TOR4A: variants seen among roughly 807,000 people sequenced by gnomAD.
TOR4A encodes the protein torsin-4A.
Under a neutral mutation model 11.5 loss-of-function variants are expected in TOR4A, and 12 were observed. The ratio of observed to expected loss-of-function variants is 1.04; its 90% CI spans 0.67 to 1.69. The LOEUF is 1.69. Ranked by LOEUF, TOR4A falls within the 40% of genes most tolerant of loss-of-function variation. The pLI is 0.00. For synonymous variants in TOR4A, 362 were observed against 307.4 expected, an observed-to-expected ratio of 1.18 and a Z score of -1.86; for missense variants, 640 against 643.2, an observed-to-expected ratio of 0.99 and a Z score of 0.05.
In TOR4A at chr9:137,279,472, A is replaced by G. The variant is rs1238429445; in HGVS notation, c.783A>G (p.Pro261=). The G allele has an allele frequency of 1.9e-6, 3 of 1,554,892 alleles. No homozygotes were observed. The highest frequency in any genetic ancestry group is 2.6e-6 in the Non-Finnish European group (3 of 1,151,256). Residue 261 remains proline (P), a synonymous_variant, in exon 2 of 2, where the codon CCA becomes CCG. Coordinates refer to ENST00000357503, the MANE Select transcript of TOR4A (RefSeq NM_017723.3). ...VARAEAEEKT[P]LLVLDDVELM... ...GGGCCGAAGCGGAGGAGAAGACCCC[A>G]CTCTTGGTGCTGGACGACGTGGAGC...
In TOR4A at chr9:137,279,782, C is replaced by T; in HGVS notation, c.1093C>T (p.Leu365=). 3 of 1,592,608 alleles carry T rather than the reference C, an allele frequency of 1.9e-6. No individual in the cohort carries two copies. The highest frequency in any genetic ancestry group is 1.7e-6 in the Non-Finnish European group (2 of 1,175,858). The change falls in exon 2 of 2, where the codon CTG becomes TTG. Residue 365 remains leucine (L), a synonymous_variant. Transcript: ENST00000357503. The part of the protein sequence containing the change: ...WQAAAIVPFL[L]LDKRDVVSCF... ...GGCCGCGGCCATCGTGCCGTTTCTG[C>T]TGCTGGACAAGCGGGATGTGGTCAG...
chr9:137,279,896 G>A lies in TOR4A; in HGVS notation c.1207G>A (p.Val403Met), dbSNP rs775733690. Residue 403 changes from valine to methionine, a missense_variant, in exon 2 of 2, where the codon GTG becomes ATG. Physicochemically the swap from Val to Met is conservative, Grantham distance 21. Transcript: ENST00000357503. Reference sequence around the variant, plus strand: ...GGCCGCGCAGCTCAGCTTCTACCGCGTGGCTGGCCGCGAGTTTGCCGTCAC... The same window carrying A: ...GGCCGCGCAGCTCAGCTTCTACCGCATGGCTGGCCGCGAGTTTGCCGTCAC... ...NLAAQLSFYR[V>M]AGREFAVTGC... 2 of 1,578,910 alleles carry A rather than the reference G, an allele frequency of 1.3e-6. No individual in the cohort carries two copies. The highest frequency in any genetic ancestry group is 2.3e-5 in the East Asian group (1 of 43,102).
chr9:137,277,872 G>A lies in TOR4A; in HGVS notation c.-73G>A, dbSNP rs78564072. 5,973 of 152,428 alleles carry A rather than the reference G, an allele frequency of 0.039. 239 individuals carry two copies. The highest frequency in any genetic ancestry group is 0.053 in the Non-Finnish European group (3,596 of 68,100). The allele number at this position is 152,428 out of a possible 1,614,324, so 9.4% of individuals were successfully genotyped here. A position where few individuals can be genotyped will look rare whatever the true frequency, so the allele number is the denominator to read the frequency against. On this transcript the variant is annotated 5_prime_UTR_variant, in exon 1 of 2. Transcript: ENST00000357503. Reference sequence around the variant, plus strand: ...AGGCCCCAGCGTCTGGCACAGGCAGGGGCCTGCGGAGCTGAGGGCAGTGGA... The same window carrying A: ...AGGCCCCAGCGTCTGGCACAGGCAGAGGCCTGCGGAGCTGAGGGCAGTGGA...
chr9:137,280,734 C>T lies in TOR4A; in HGVS notation c.*773C>T, dbSNP rs1255659213. On this transcript the variant is annotated 3_prime_UTR_variant, in exon 2 of 2. Coordinates refer to ENST00000357503, the MANE Select transcript of TOR4A (RefSeq NM_017723.3). ...CCACGATTGCGCGACCTCCCTTTCC[C>T]TGGGGCCTTTTGTGCCCCGAGTTCC... 1 of 167,202 alleles carries T rather than the reference C, an allele frequency of 6.0e-6. No homozygotes were observed. The highest frequency in any genetic ancestry group is 1.5e-5 in the Non-Finnish European group (1 of 68,258). The allele number at this position is 167,202 out of a possible 1,614,324, so 10.4% of individuals were successfully genotyped here. A position where few individuals can be genotyped will look rare whatever the true frequency, so the allele number is the denominator to read the frequency against.
Position 137,279,742 on chromosome 9 carries a change from G to C in TOR4A, c.1053G>C (p.Glu351Asp). Reference protein sequence around the residue: ...RASLLAVLSREHPLWQAAAIV... With the variant: ...RASLLAVLSRDHPLWQAAAIV... ...GCCTGCTGGCTGTGCTGTCCCGGGA[G>C]CATCCGCTGTGGCAGGCCGCGGCCA... The change falls in exon 2 of 2, where the codon GAG becomes GAC. Residue 351 changes from glutamate to aspartate, a missense_variant. Glu to Asp is a conservative substitution (Grantham distance 45, BLOSUM62 2). Transcript: ENST00000357503. 1 of 1,582,562 alleles carries C rather than the reference G, an allele frequency of 6.3e-7. No homozygotes were observed. The highest frequency in any genetic ancestry group is 8.5e-7 in the Non-Finnish European group (1 of 1,172,040).
At position 137,279,025 on chromosome 9, in the gene TOR4A, C is replaced by T. The variant is rs1258713062; in HGVS notation, c.336C>T (p.Arg112=). The change falls in exon 2 of 2, where the codon CGC becomes CGT. Residue 112 remains arginine (R), a synonymous_variant. Transcript: ENST00000357503. The part of the protein sequence containing the change: ...YPETSRKYRP[R]VEHRSRAQRC... ...AGACCTCGCGCAAGTATCGGCCGCG[C>T]GTGGAGCACAGGAGCCGCGCGCAGC... The T allele has an allele frequency of 1.2e-6, 2 of 1,604,984 alleles. No individual in the cohort carries two copies. The highest frequency in any genetic ancestry group is 2.3e-5 in the East Asian group (1 of 44,386).
At position 137,280,135 on chromosome 9, in the gene TOR4A, G is replaced by A; in HGVS notation, c.*174G>A. ...GTCCACACCCGCCTCAGAGTCCGGAGTCTGTCCCTGGGGGCGGCAGGACAG... is the reference window on the plus strand; with the variant it reads ...GTCCACACCCGCCTCAGAGTCCGGAATCTGTCCCTGGGGGCGGCAGGACAG... On this transcript the variant is annotated 3_prime_UTR_variant, in exon 2 of 2. Coordinates refer to ENST00000357503, the MANE Select transcript of TOR4A (RefSeq NM_017723.3). The A allele has an allele frequency of 1.3e-6, 1 of 754,116 alleles. No individual in the cohort carries two copies. Among genetic ancestry groups the A allele is most frequent in the Non-Finnish European group, 2.1e-6 (1 of 467,182 alleles). 46.7% of individuals were successfully genotyped at this position (754,116 alleles called of 1,614,324 possible).
rs1408091922 is a variant in TOR4A at position 137,279,657 on chromosome 9, C to G, written c.968C>G (p.Pro323Arg). Residue 323 changes from proline (P) to arginine (R), a missense_variant, in exon 2 of 2, where the codon CCC (proline) becomes CGC (arginine). By Grantham distance (103) the Pro-to-Arg change is moderately radical. Coordinates refer to ENST00000357503, the MANE Select transcript of TOR4A (RefSeq NM_017723.3). ...GCGTCCCGCGCGCTGCCCCTGCGCC[C>G]CGACGGCTTCCGCAGTGCCGAGGCC... ...QNASRALPLRPDGFRSAEAAA... is the reference protein window; with the variant it reads ...QNASRALPLRRDGFRSAEAAA... The G allele has an allele frequency of 6.4e-7, 1 of 1,563,418 alleles. No individual in the cohort carries two copies. The highest frequency in any genetic ancestry group is 1.8e-5 in the Admixed American group (1 of 55,316).
chr9:137,278,637 C>G lies in TOR4A; in HGVS notation c.-37-16C>G. The stretch of plus-strand genomic sequence containing the variant: ...GTGGCGGGAGTCCAGAGACCCTCCC[C>G]GTCTTCCCGTTGCAGGGAGGGCGAC... On this transcript the variant is annotated splice_polypyrimidine_tract_variant and intron_variant, in intron 1 of 1. Transcript: ENST00000357503. 1 of 1,269,262 alleles carries G rather than the reference C, an allele frequency of 7.9e-7. No individual in the cohort carries two copies. Among genetic ancestry groups the G allele is most frequent in the Non-Finnish European group, 1.0e-6 (1 of 1,004,558 alleles). 78.6% of individuals were successfully genotyped at this position (1,269,262 alleles called of 1,614,324 possible).
chr9:137,279,528 A>C lies in TOR4A; in HGVS notation c.839A>C (p.His280Pro), dbSNP rs770559835. 1 of 1,587,332 alleles carries C rather than the reference A, an allele frequency of 6.3e-7. No individual in the cohort carries two copies. Among genetic ancestry groups the C allele is most frequent in the South Asian group, 1.1e-5 (1 of 88,658 alleles). ...LMPRPLLDELHGFLQPQRSHH... is the reference protein window; with the variant it reads ...LMPRPLLDELPGFLQPQRSHH... ...CCGCGGCCGCTGCTGGACGAGCTGCACGGCTTCCTGCAGCCGCAGCGCTCC... is the reference window on the plus strand; with the variant it reads ...CCGCGGCCGCTGCTGGACGAGCTGCCCGGCTTCCTGCAGCCGCAGCGCTCC... Residue 280 changes from histidine (H) to proline (P), a missense_variant, in exon 2 of 2, where the codon CAC becomes CCC. Coordinates refer to ENST00000357503, the MANE Select transcript of TOR4A (RefSeq NM_017723.3).
Position 137,280,233 on chromosome 9 carries a change from T to C in TOR4A, c.*272T>C. Reference sequence around the variant, plus strand: ...GGCATGGTCTGGTGCGTTCTCCCTGTGGCCCCAAGAGGTGGGTTCCCATGG... The same window carrying C: ...GGCATGGTCTGGTGCGTTCTCCCTGCGGCCCCAAGAGGTGGGTTCCCATGG... On this transcript the variant is annotated 3_prime_UTR_variant, in exon 2 of 2. Coordinates refer to ENST00000357503, the MANE Select transcript of TOR4A (RefSeq NM_017723.3). The C allele has an allele frequency of 1.8e-6, 1 of 551,230 alleles. No homozygotes were observed. Among genetic ancestry groups the C allele is most frequent in the Non-Finnish European group, 3.3e-6 (1 of 300,740 alleles). 34.1% of individuals were successfully genotyped at this position (551,230 alleles called of 1,614,324 possible). A position where few individuals can be genotyped will look rare whatever the true frequency, so the allele number is the denominator to read the frequency against.
intron 1 of TOR4A, among the ~76,000 whole-genome samples, chr9:137,278,247 G>C (rs1041301159): frequency 6.6e-6 from 1 of 152,126 alleles, no homozygotes. Context: ...CTTGGGAGAC[G>C]GCCCAGTCCA....
Position 137,278,877 on chromosome 9 carries a change from G to C in TOR4A, c.188G>C (p.Ser63Thr). The C allele has an allele frequency of 6.5e-7, 1 of 1,539,416 alleles. No individual in the cohort carries two copies. The highest frequency in any genetic ancestry group is 8.7e-7 in the Non-Finnish European group (1 of 1,148,906). ...VGTGAPRPGC[S>T]PRAPRADLDQ... ...ACCGGGGCGCCCAGGCCGGGCTGCAGCCCCCGGGCACCGCGCGCGGACCTG... is the reference window on the plus strand; with the variant it reads ...ACCGGGGCGCCCAGGCCGGGCTGCACCCCCCGGGCACCGCGCGCGGACCTG... Residue 63 changes from serine to threonine, a missense_variant, in exon 2 of 2, where the codon AGC (serine) becomes ACC (threonine). Physicochemically the swap from Ser to Thr is moderately conservative, Grantham distance 58. Transcript: ENST00000357503.
chr9:137,279,373 C>G lies in TOR4A; in HGVS notation c.684C>G (p.His228Gln). 1 of 1,524,024 alleles carries G rather than the reference C, an allele frequency of 6.6e-7. No homozygotes were observed. The highest frequency in any genetic ancestry group is 8.8e-7 in the Non-Finnish European group (1 of 1,138,078). 94.4% of individuals were successfully genotyped at this position (1,524,024 alleles called of 1,614,324 possible). The part of the protein sequence containing the change: ...SALVLQYHAR[H>Q]HCPEARAAQD... Reference sequence around the variant, plus strand: ...TCGTGCTGCAATACCATGCGCGGCACCACTGCCCCGAGGCGCGCGCCGCAC... The same window carrying G: ...TCGTGCTGCAATACCATGCGCGGCAGCACTGCCCCGAGGCGCGCGCCGCAC... Residue 228 changes from histidine to glutamine, a missense_variant, in exon 2 of 2, where the codon CAC becomes CAG. His to Gln is a conservative substitution (Grantham distance 24). Transcript: ENST00000357503.
chr9:137,279,570 C>A lies in TOR4A; in HGVS notation c.881C>A (p.Ala294Asp). The A allele has an allele frequency of 6.3e-7, 1 of 1,581,372 alleles. No homozygotes were observed. The highest frequency in any genetic ancestry group is 8.6e-7 in the Non-Finnish European group (1 of 1,167,186). Residue 294 changes from alanine (A) to aspartate (D), a missense_variant, in exon 2 of 2, where the codon GCC becomes GAC. Transcript: ENST00000357503. ...CAGCGCTCCCACCACTTCCACAACG[C>A]CATCTACGTGCTCCTCAGTGGCGCG... Reference protein sequence around the residue: ...QPQRSHHFHNAIYVLLSGAGG... With the variant: ...QPQRSHHFHNDIYVLLSGAGG...
Position 137,279,850 on chromosome 9 carries a change from C to T in TOR4A, c.1161C>T (p.Asp387=). The change falls in exon 2 of 2, where the codon GAC becomes GAT. Residue 387 remains aspartate (D), a synonymous_variant. Transcript: ENST00000357503. ...DEMAGEGFFP[D]QARAENLAAQ... ...TGGCGGGTGAGGGCTTCTTTCCTGA[C>T]CAGGCCCGCGCGGAGAACCTGGCCG... 2.5e-6 allele frequency: 4 copies of T among 1,592,492 alleles called. No individual in the cohort carries two copies. The highest frequency in any genetic ancestry group is 2.7e-5 in the African/African-American group (2 of 74,802).
chr9:137,279,273 C>T lies in TOR4A; in HGVS notation c.584C>T (p.Pro195Leu). Reference protein sequence around the residue: ...SRPLLLALHGPSGVGKSHVGR... With the variant: ...SRPLLLALHGLSGVGKSHVGR... ...CCGCTCCTCCTGGCGCTGCACGGGC[C>T]CAGTGGCGTGGGCAAGAGCCACGTG... is the stretch of plus-strand genomic sequence containing the variant. The change falls in exon 2 of 2, where the codon CCC becomes CTC. Residue 195 changes from proline (P) to leucine (L), a missense_variant. By Grantham distance (98) the Pro-to-Leu change is moderately conservative. Transcript: ENST00000357503. 6.5e-7 allele frequency: 1 copy of T among 1,535,362 alleles called. No individual in the cohort carries two copies. Among genetic ancestry groups the T allele is most frequent in the Non-Finnish European group, 8.7e-7 (1 of 1,144,894 alleles).
chr9:137,278,987 G>T lies in TOR4A; in HGVS notation c.298G>T (p.Val100Leu). The change falls in exon 2 of 2, where the codon GTG becomes TTG. Residue 100 changes from valine (V) to leucine (L), a missense_variant. Transcript: ENST00000357503. ...CAAGAAGCGCCGGCGCAGCCGCCTG[G>T]TGCTTTACCCGGAGACCTCGCGCAA... is the stretch of plus-strand genomic sequence containing the variant. ...PRKKRRRSRL[V>L]LYPETSRKYR... 7 of 1,606,930 alleles carry T rather than the reference G, an allele frequency of 4.4e-6. No individual in the cohort carries two copies. The highest frequency in any genetic ancestry group is 5.9e-6 in the Non-Finnish European group (7 of 1,177,848).
At chr9:137,278,505 C>A (rs1236313519) in intron 1 of TOR4A, 148 bp from the exon 2 acceptor site, 13 of 456,958 alleles carry the variant, frequency 2.8e-5, no homozygotes, top group Non-Finnish European at 4.5e-5. Context: ...AGGGGCGAGG[C>A]CGCGACCAGG....
Sources: allele counts gnomAD v4.1 joint callset (sites outside exome capture counted in the v4.1 genomes callset), GRCh38; gene constraint gnomAD v4.1.1; transcripts MANE v1.5; gene names NCBI Gene and HGNC (gene_info 2026-07-23, HGNC 2026-07-21).